ATF3: variants seen among roughly 807,000 people sequenced by gnomAD.
ATF3 encodes the protein cyclic AMP-dependent transcription factor ATF-3.
ATF3 carries 10 observed loss-of-function variants against 18.4 expected under a neutral mutation model. The ratio of observed to expected loss-of-function variants is 0.54; its 90% CI spans 0.34 to 0.92. ATF3 has a LOEUF of 0.92. ATF3 is among the 40% of genes least tolerant of loss of function. The probability of loss-of-function intolerance (pLI) is 0.02; values close to 1 mark genes in which losing one functional copy is unlikely to be tolerated. For synonymous variants in ATF3, 78 were observed against 87.9 expected (o/e 0.89, Z 0.63); for missense variants, 183 against 222.3 (o/e 0.82, Z 1.12).
intron 1 of ATF3, among the ~76,000 whole-genome samples, chr1:212,602,823 T>A (rs982648859): frequency 2.0e-5 from 3 of 152,226 alleles, no homozygotes; most frequent in Admixed American, 6.5e-5. Flanking sequence ...GAATAAAACT[T>A]TTGGCAGCCG....
chr1:212,581,525 A>G (rs1225556027), intron 1 of ATF3, among the ~76,000 whole-genome samples: 3 of 152,184 alleles, frequency 2.0e-5, no homozygotes, highest in Admixed American at 6.5e-5. Flanking sequence ...AGAATGTTTT[A>G]TGGAATTTGA....
At position 212,618,693 on chromosome 1, in the gene ATF3, A is replaced by T; in HGVS notation, c.348+459A>T. 2.3e-6 allele frequency: 1 copy of T among 437,952 alleles called. No homozygotes were observed. Among genetic ancestry groups the T allele is most frequent in the African/African-American group, 2.0e-5 (1 of 50,300 alleles). 27.1% of individuals were successfully genotyped at this position (437,952 alleles called of 1,614,324 possible). On this transcript the variant is annotated intron_variant, in intron 3 of 3. Coordinates refer to ENST00000341491, the MANE Select transcript of ATF3 (RefSeq NM_001674.4). The surrounding 1 kb of genome is among the most constrained non-coding windows in gnomAD (Gnocchi z 4.4). ...GCTTTGCATTCTTGTCTGGTTCCTA[A>T]CTCTAGAGCCCTTCTCCCTGGCTTA...
chr1:212,591,986 A>G (rs1281287719), intron 1 of ATF3, among the ~76,000 whole-genome samples: 1 of 152,218 alleles, frequency 6.6e-6, no homozygotes, highest in Non-Finnish European at 1.5e-5. Context: ...TTCTTTTAAA[A>G]TTGCGGTACA....
intron 1 of ATF3, among the ~76,000 whole-genome samples, chr1:212,609,386 G>A (rs796722514): frequency 2.8e-5 from 4 of 142,202 alleles, no homozygotes; most frequent in Admixed American, 2.1e-4. Context: ...GGGGGGGGGG[G>A]GGCGCAGAGA....
chr1:212,581,928 CT>C (rs1191415566), intron 1 of ATF3, among the ~76,000 whole-genome samples: 1 of 152,100 alleles, frequency 6.6e-6, no homozygotes, highest in African/African-American at 2.4e-5. Flanking sequence ...TTGGGGTCTT[CT>C]TTTAATGAAT....
intron 1 of ATF3, among the ~76,000 whole-genome samples, chr1:212,568,303 G>C (rs1044576753): frequency 1.3e-5 from 2 of 152,138 alleles, no homozygotes; most frequent in African/African-American, 4.8e-5. Flanking sequence ...CTACCAAGCT[G>C]AATTACACAC....
intron 1 of ATF3, among the ~76,000 whole-genome samples, chr1:212,585,140 G>A (rs949308964): frequency 6.6e-6 from 1 of 152,230 alleles, no homozygotes; most frequent in South Asian, 2.1e-4. Flanking sequence ...TAGTGAGGCA[G>A]ATCCACAGGA....
chr1:212,597,308 A>G (rs533230311), intron 1 of ATF3, among the ~76,000 whole-genome samples: 1 of 152,330 alleles, frequency 6.6e-6, no homozygotes, highest in African/African-American at 2.4e-5. Flanking sequence ...CTGTAGACAC[A>G]GCGCTTATAA....
At chr1:212,596,451 T>C (rs1010668103) in intron 1 of ATF3, among the ~76,000 whole-genome samples, 4 of 152,246 alleles carry the variant, frequency 2.6e-5, no homozygotes, top group Admixed American at 6.5e-5. Flanking sequence ...ACAACCTAAA[T>C]AGAACAAGCC....
chr1:212,618,985 T>G lies in ATF3; in HGVS notation c.349-373T>G. 6.2e-7 allele frequency: 1 copy of G among 1,604,178 alleles called. No homozygotes were observed. The highest frequency in any genetic ancestry group is 8.5e-7 in the Non-Finnish European group (1 of 1,171,158). ...TACATTTTTTCTGGGGAGATGAGCT[T>G]CTCATTGAGATCTGTGACTCAGAAT... is the stretch of plus-strand genomic sequence containing the variant. On this transcript the variant is annotated intron_variant, in intron 3 of 3. Transcript: ENST00000341491. The surrounding 1 kb of genome is among the most constrained non-coding windows in gnomAD (Gnocchi z 4.4).
At chr1:212,597,449 A>ATCTATCTATCTATCTG (rs1341823772) in intron 1 of ATF3, among the ~76,000 whole-genome samples, 1 of 142,668 alleles carries the variant, frequency 7.0e-6, no homozygotes, top group Non-Finnish European at 1.6e-5. Context: ...CTATCTATCT[A>ATCTATCTATCTATCTG]TCATCTATCT....
At chr1:212,605,817 T>G (rs1230375355), upstream of ATF3, among the ~76,000 whole-genome samples, 3 of 152,240 alleles carry the variant, frequency 2.0e-5, no homozygotes, top group African/African-American at 7.2e-5. Context: ...AAGGCTGATC[T>G]GAATGTGGAT....
intron 1 of ATF3, among the ~76,000 whole-genome samples, chr1:212,570,634 C>G (rs1026036617): frequency 1.3e-5 from 2 of 152,206 alleles, no homozygotes; most frequent in Non-Finnish European, 2.9e-5. Context: ...CACTCCTACT[C>G]TACCCATATA....
At chr1:212,607,742 C>A (rs951219913), upstream of ATF3, among the ~76,000 whole-genome samples, 4 of 152,210 alleles carry the variant, frequency 2.6e-5, no homozygotes, top group African/African-American at 9.6e-5. Context: ...TGGGCAGGTT[C>A]GCGGACCCCA....
intron 1 of ATF3, among the ~76,000 whole-genome samples, chr1:212,611,639 C>T (rs1454853775): frequency 6.6e-6 from 1 of 152,176 alleles, no homozygotes; most frequent in African/African-American, 2.4e-5. Flanking sequence ...AAGGCCAGTA[C>T]TGGCTTCCTA....
chr1:212,590,090 T>C (rs4951619), intron 1 of ATF3, among the ~76,000 whole-genome samples: 40,321 of 152,114 alleles, frequency 0.27, 5,836 homozygotes, highest in African/African-American at 0.39. Flanking sequence ...CCCTTTGCCA[T>C]GTTACATTGA....
At position 212,593,331 on chromosome 1, in the gene ATF3, C is replaced by T. The variant is rs189178625; in HGVS notation, c.-4-21687C>T. Reference sequence around the variant, plus strand: ...GGTAGGGATAGCATTAGGAGATATACCTAATGCTAAATGACGAGTTAATGG... The same window carrying T: ...GGTAGGGATAGCATTAGGAGATATATCTAATGCTAAATGACGAGTTAATGG... On this transcript the variant is annotated intron_variant, in intron 1 of 3. Coordinates refer to the ATF3 transcript ENST00000366981. Among the ~76,000 whole-genome samples the T allele has an allele frequency of 1.5e-3, 234 of 151,446 alleles. 3 individuals are homozygous for T. The highest frequency in any genetic ancestry group is 5.5e-3 in the African/African-American group (227 of 41,160).
chr1:212,598,901 T>C (rs970823171), intron 1 of ATF3, among the ~76,000 whole-genome samples: 3 of 152,238 alleles, frequency 2.0e-5, no homozygotes, highest in African/African-American at 7.2e-5. Flanking sequence ...TTGGCTACTG[T>C]GAACAGAGCT....
At chr1:212,601,896 C>T (rs1192697435) in intron 1 of ATF3, among the ~76,000 whole-genome samples, 3 of 151,982 alleles carry the variant, frequency 2.0e-5, no homozygotes, top group East Asian at 3.9e-4. Context: ...TATTGAATGT[C>T]ACTTTTGAGG....
Sources: allele counts gnomAD v4.1 joint callset (sites outside exome capture counted in the v4.1 genomes callset), GRCh38; gene constraint gnomAD v4.1.1; non-coding constraint Gnocchi (gnomAD v3.1); transcripts MANE v1.5; gene names NCBI Gene and HGNC (gene_info 2026-07-23, HGNC 2026-07-21).